The following RAD51B variants were observed in gnomAD, a reference collection of about 807,000 sequenced individuals.
RAD51B encodes DNA repair protein RAD51 homolog 2.
A neutral mutation model predicts 42.2 loss-of-function variants in RAD51B; 38 were observed. That is an observed-to-expected ratio of 0.90 (90% CI 0.70 to 1.18). The LOEUF (loss-of-function observed/expected upper bound fraction) is 1.18, where lower values mean the gene tolerates loss of function less well. RAD51B is among the 50% of genes most tolerant of loss of function. The probability of loss-of-function intolerance (pLI) is 0.00; values close to 1 mark genes in which losing one functional copy is unlikely to be tolerated. For synonymous variants in RAD51B, 154 were observed against 145.2 expected, an observed-to-expected ratio of 1.06 and a Z score of -0.43; for missense variants, 373 against 400.7, an observed-to-expected ratio of 0.93 and a Z score of 0.59.
intron 7 of RAD51B, among the ~76,000 whole-genome samples, chr14:68,280,725 AG>A (rs2081304608): frequency 6.6e-6 from 1 of 152,220 alleles, no homozygotes; most frequent in African/African-American, 2.4e-5. Context: ...TGACATAAAA[AG>A]TCTTGTACTA....
At chr14:67,836,018 A>G (rs777245382) in intron 4 of RAD51B, among the ~76,000 whole-genome samples, 4 of 152,260 alleles carry the variant, frequency 2.6e-5, no homozygotes, top group East Asian at 3.8e-4. Context: ...ACTTTCTGTT[A>G]TAGATAAAAT....
intron 10 of RAD51B, among the ~76,000 whole-genome samples, chr14:68,559,998 A>G (rs529645082): frequency 4.5e-4 from 68 of 152,304 alleles, no homozygotes; most frequent in African/African-American, 1.6e-3. Context: ...CCAAGTCCAC[A>G]TGGACACAAA....
rs536945475 is a variant in RAD51B, at chr14:67,865,279, C to T, written c.452+140C>T. 40 of 861,562 alleles carry T rather than the reference C, an allele frequency of 4.6e-5. No individual in the cohort carries two copies. The East Asian group carries it at 9.8e-4, about 21-fold the overall frequency. The allele number at this position is 861,562 out of a possible 1,614,324, so 53.4% of individuals were successfully genotyped here. A position where few individuals can be genotyped will look rare whatever the true frequency, so the allele number is the denominator to read the frequency against. On this transcript the variant is annotated intron_variant, in intron 5 of 10. Transcript: ENST00000471583. ...TTGAGATGGAGTCTTGCTCTGTTGC[C>T]GGGCTGGAGTGCAGTGGCACGATCT...
At chr14:68,525,526 A>T (rs1886866590) in intron 10 of RAD51B, among the ~76,000 whole-genome samples, 1 of 152,178 alleles carries the variant, frequency 6.6e-6, no homozygotes, top group African/African-American at 2.4e-5. Flanking sequence ...CCCACTGACC[A>T]TCTGGGAATT....
intron 8 of RAD51B, among the ~76,000 whole-genome samples, chr14:68,302,736 A>G (rs1490555661): frequency 6.6e-6 from 1 of 152,252 alleles, no homozygotes; most frequent in Non-Finnish European, 1.5e-5. Context: ...TGGGAAACGA[A>G]GGGATGGGCC....
intron 7 of RAD51B, among the ~76,000 whole-genome samples, chr14:68,036,629 G>T (rs761974247): frequency 1.3e-4 from 19 of 151,958 alleles, no homozygotes; most frequent in Non-Finnish European, 4.4e-5. Flanking sequence ...AGAATTTGGG[G>T]GAAATTATTA....
At chr14:68,105,425 T>G (rs767353274) in intron 7 of RAD51B, among the ~76,000 whole-genome samples, 6 of 152,056 alleles carry the variant, frequency 3.9e-5, no homozygotes, top group South Asian at 2.1e-4. Context: ...TTGATTATAC[T>G]TGCCTATGTA....
At position 67,873,217 on chromosome 14, in the gene RAD51B, T is replaced by C. The variant is rs1179819502; in HGVS notation, c.452+8078T>C. 2.0e-5 allele frequency among the ~76,000 whole-genome samples: 3 copies of C among 152,088 alleles called. No homozygotes were observed. The East Asian group carries it at 5.8e-4, about 29-fold the overall frequency. On this transcript the variant is annotated intron_variant, in intron 5 of 10. Transcript: ENST00000471583. ...TGACAAAGGGCTAATATCCAGAATC[T>C]ACAATGAACTCAAACAATTTACAAG...
At chr14:68,673,901 C>T (rs1870087386) in intron 11 of RAD51B, among the ~76,000 whole-genome samples, 1 of 150,420 alleles carries the variant, frequency 6.6e-6, no homozygotes, top group South Asian at 2.1e-4. Flanking sequence ...CATGCACACA[C>T]ATACTGTACA....
intron 7 of RAD51B, among the ~76,000 whole-genome samples, chr14:68,212,277 G>C (rs993408041): frequency 5.9e-5 from 9 of 152,170 alleles, no homozygotes; most frequent in African/African-American, 2.2e-4. Context: ...TTGAATACTA[G>C]GTCAGCCACT....
chr14:67,909,181 G>C (rs1403740644), intron 7 of RAD51B, among the ~76,000 whole-genome samples: 1 of 152,124 alleles, frequency 6.6e-6, no homozygotes, highest in Non-Finnish European at 1.5e-5. Context: ...AAGCCATAAA[G>C]TTTGAAAACT....
chr14:67,961,501 C>T (rs1444585175), intron 7 of RAD51B, among the ~76,000 whole-genome samples: 1 of 152,142 alleles, frequency 6.6e-6, no homozygotes, highest in Non-Finnish European at 1.5e-5. Flanking sequence ...TCCTATTTTT[C>T]AAAGACTGAA....
At chr14:68,074,071 C>G (rs892312838) in intron 7 of RAD51B, among the ~76,000 whole-genome samples, 1 of 152,104 alleles carries the variant, frequency 6.6e-6, no homozygotes, top group Non-Finnish European at 1.5e-5. Flanking sequence ...ATGTCAACCT[C>G]TCTAGTGAGG....
intron 7 of RAD51B, among the ~76,000 whole-genome samples, chr14:68,205,760 T>C (rs1197622948): frequency 6.6e-6 from 1 of 152,184 alleles, no homozygotes; most frequent in Non-Finnish European, 1.5e-5. Context: ...TACATATGCA[T>C]ATATATGTAT....
At chr14:68,313,438 A>G (rs1348181878) in intron 8 of RAD51B, among the ~76,000 whole-genome samples, 1 of 151,890 alleles carries the variant, frequency 6.6e-6, no homozygotes, top group Admixed American at 6.6e-5. Context: ...GCTTACAGGG[A>G]TGTGTTTTAG....
intron 9 of RAD51B, among the ~76,000 whole-genome samples, chr14:68,412,790 C>T (rs1171585969): frequency 6.6e-6 from 1 of 152,202 alleles, no homozygotes; most frequent in Non-Finnish European, 1.5e-5. Context: ...TTTAGTGGAA[C>T]ACATTCCAAA....
chr14:68,614,860 T>C (rs564857934), downstream of RAD51B, among the ~76,000 whole-genome samples: 9 of 152,340 alleles, frequency 5.9e-5, no homozygotes, highest in South Asian at 1.4e-3. Flanking sequence ...TTTTCAATAC[T>C]CTTGGGTACA....
intron 7 of RAD51B, among the ~76,000 whole-genome samples, chr14:67,905,944 T>C (rs903737538): frequency 4.6e-5 from 7 of 152,000 alleles, no homozygotes; most frequent in Middle Eastern, 3.4e-3. Flanking sequence ...AGTATAGGAG[T>C]GGTAAGTGTG....
At chr14:68,090,017 G>C (rs2140514372) in intron 7 of RAD51B, among the ~76,000 whole-genome samples, 1 of 152,232 alleles carries the variant, frequency 6.6e-6, no homozygotes, top group Non-Finnish European at 1.5e-5. Flanking sequence ...AAAAAACTGA[G>C]TTACATATTA....
Sources: gnomAD v4.1 joint callset for allele counts (sites outside exome capture counted in the v4.1 genomes callset) on GRCh38, gnomAD v4.1.1 for gene constraint, MANE v1.5 for transcripts, NCBI Gene and HGNC (gene_info 2026-07-23, HGNC 2026-07-21) for gene names.